The following FANCC variants were observed in gnomAD, a reference collection of about 807,000 sequenced individuals.
The protein encoded by FANCC is FA complementation group C, also known as Fanconi anemia group C protein.
A neutral mutation model predicts 71.3 loss-of-function variants in FANCC; 55 were observed. The ratio of observed to expected loss-of-function variants is 0.77; its 90% CI spans 0.62 to 0.97. The LOEUF (loss-of-function observed/expected upper bound fraction) is 0.97. Ranked by LOEUF, FANCC falls within the 50% of genes least tolerant of loss-of-function variation. FANCC has a pLI of 0.00. For synonymous variants in FANCC, 275 were observed against 244.9 expected (o/e 1.12, Z -1.15); for missense variants, 678 against 670.9 (o/e 1.01, Z -0.12).
In FANCC at chr9:95,188,849, CT is replaced by C. The variant is rs368683060; in HGVS notation, c.346-16703del. On this transcript the variant is annotated intron_variant, in intron 4 of 14. Transcript: ENST00000289081. ...TCCTCAAGCCTAATCTGCCTGAATC[CT>C]TTTCTCATTTCACTCTGCATACTCA... 1.4e-3 allele frequency among the ~76,000 whole-genome samples: 206 copies of C among 152,268 alleles called. 1 individual carries two copies. The highest frequency in any genetic ancestry group is 4.8e-3 in the African/African-American group (200 of 41,558).
chr9:95,247,846 T>C (rs1429874491), intron 2 of FANCC, among the ~76,000 whole-genome samples: 1 of 152,230 alleles, frequency 6.6e-6, no homozygotes, highest in African/African-American at 2.4e-5. Context: ...GCTTAAGAGT[T>C]GAAAACACAT....
intron 1 of FANCC, among the ~76,000 whole-genome samples, chr9:95,269,786 C>T (rs143537594): frequency 1.2e-3 from 189 of 152,144 alleles, no homozygotes; most frequent in African/African-American, 4.3e-3. Context: ...GGGTGGGTTG[C>T]CCCTACACAC....
chr9:95,169,426 A>G (rs1184692513), intron 6 of FANCC, among the ~76,000 whole-genome samples: 1 of 152,178 alleles, frequency 6.6e-6, no homozygotes, highest in Non-Finnish European at 1.5e-5. Flanking sequence ...TATATTCCCT[A>G]TAGATAAGGA....
chr9:95,306,669 C>G (rs1033366966), intron 1 of FANCC, among the ~76,000 whole-genome samples: 7 of 152,094 alleles, frequency 4.6e-5, no homozygotes, highest in African/African-American at 1.4e-4. Context: ...TTTGGGTAAC[C>G]AGAAATACCC....
intron 1 of FANCC, among the ~76,000 whole-genome samples, chr9:95,281,382 C>T (rs1440132080): frequency 6.6e-6 from 1 of 151,772 alleles, no homozygotes; most frequent in East Asian, 1.9e-4. Context: ...TGAAGAAATT[C>T]AAAGTCCTAA....
chr9:95,152,408 G>T (rs901155864), intron 6 of FANCC, among the ~76,000 whole-genome samples: 1 of 152,142 alleles, frequency 6.6e-6, no homozygotes. Context: ...GAACAAGCAC[G>T]TATATATCTG....
chr9:95,102,475 C>A lies in FANCC; in HGVS notation c.1534-625G>T, dbSNP rs558971788. ...AAAAAAGGGAAGGGTGAGAATCTTA[C>A]AATTTAGCTGTGTGGGGAATTTATG... On this transcript the variant is annotated intron_variant, in intron 14 of 14. Transcript: ENST00000289081. Among the ~76,000 whole-genome samples, 6 of 152,314 alleles carry A rather than the reference C, an allele frequency of 3.9e-5. No homozygotes were observed. In the East Asian group the frequency reaches 1.2e-3, roughly 29 times the overall value.
intron 1 of FANCC, among the ~76,000 whole-genome samples, chr9:95,271,625 A>C (rs192562483): frequency 6.6e-6 from 1 of 152,324 alleles, no homozygotes; most frequent in East Asian, 1.9e-4. Context: ...AGTTTGTAGT[A>C]ATTTGCTATA....
At chr9:95,290,558 G>A (rs1165543428) in intron 1 of FANCC, among the ~76,000 whole-genome samples, 1 of 152,074 alleles carries the variant, frequency 6.6e-6, no homozygotes, top group Non-Finnish European at 1.5e-5. Context: ...ATGAAAGGAG[G>A]GTTATTAAGC....
intron 12 of FANCC, among the ~76,000 whole-genome samples, chr9:95,113,474 A>G (rs948069396): frequency 2.0e-5 from 3 of 152,190 alleles, no homozygotes; most frequent in African/African-American, 7.2e-5. Context: ...AATCACACAC[A>G]TAAGAGGGTA....
At chr9:95,143,310 G>A (rs1162095364) in intron 7 of FANCC, among the ~76,000 whole-genome samples, 3 of 152,140 alleles carry the variant, frequency 2.0e-5, no homozygotes, top group Admixed American at 1.3e-4. Context: ...CCACAGTTTA[G>A]GTTTTTTATG....
At chr9:95,122,080 G>T (rs914002618) in intron 10 of FANCC, among the ~76,000 whole-genome samples, 1 of 151,914 alleles carries the variant, frequency 6.6e-6, no homozygotes, top group Non-Finnish European at 1.5e-5. Context: ...GGATGGTCTC[G>T]ATCTCCTGAC....
intron 4 of FANCC, among the ~76,000 whole-genome samples, chr9:95,183,824 G>T (rs952138956): frequency 6.6e-6 from 1 of 152,156 alleles, no homozygotes; most frequent in African/African-American, 2.4e-5. Context: ...AACCTCAGCT[G>T]TATTTAAATA....
chr9:95,310,146 T>C lies in FANCC; in HGVS notation c.-79+7380A>G, dbSNP rs142716755. The stretch of plus-strand genomic sequence containing the variant: ...GGGAGACCCAGGCAGGAGGACAGCT[T>C]GAGGCTGGGAGTTCAAGACCAGCCT... On this transcript the variant is annotated intron_variant, in intron 1 of 14. Coordinates refer to ENST00000289081, the MANE Select transcript of FANCC (RefSeq NM_000136.3). Among the ~76,000 whole-genome samples, 308 of 152,266 alleles carry C rather than the reference T, an allele frequency of 2.0e-3. 2 individuals carry two copies. The highest frequency in any genetic ancestry group is 7.1e-3 in the African/African-American group (296 of 41,558).
chr9:95,267,461 G>A (rs886377288), intron 1 of FANCC, among the ~76,000 whole-genome samples: 1 of 152,178 alleles, frequency 6.6e-6, no homozygotes, highest in South Asian at 2.1e-4. Context: ...AGGGGAGAGT[G>A]TGCAGAGAGG....
At chr9:95,213,542 C>G (rs1588291108) in intron 4 of FANCC, among the ~76,000 whole-genome samples, 1 of 152,146 alleles carries the variant, frequency 6.6e-6, no homozygotes, top group East Asian at 1.9e-4. Flanking sequence ...GTGCCAAGAT[C>G]ATTCAATGGG....
chr9:95,284,903 CAA>C lies in FANCC; in HGVS notation c.-79+32621_-79+32622del, dbSNP rs1554867646. On this transcript the variant is annotated intron_variant, in intron 1 of 14. Transcript: ENST00000289081. Reference sequence around the variant, plus strand: ...ACACACACACACACACACACACACACAAACATACGCATGCGCACACGCACAGA... The same window carrying C: ...ACACACACACACACACACACACACACACATACGCATGCGCACACGCACAGA... 1.1e-4 allele frequency among the ~76,000 whole-genome samples: 17 copies of C among 149,040 alleles called. No homozygotes were observed. The South Asian group carries it at 1.7e-3, about 15-fold the overall frequency.
At chr9:95,124,281 AC>A (rs1253488626) in intron 10 of FANCC, among the ~76,000 whole-genome samples, 7 of 152,242 alleles carry the variant, frequency 4.6e-5, no homozygotes, top group Admixed American at 2.6e-4. Flanking sequence ...GATGCACTGG[AC>A]CAGCACCACT....
intron 1 of FANCC, among the ~76,000 whole-genome samples, chr9:95,288,228 A>G (rs531235659): frequency 3.9e-5 from 6 of 152,320 alleles, no homozygotes; most frequent in African/African-American, 1.4e-4. Flanking sequence ...GTAAAGCAGG[A>G]TTTTATTTAC....
Sources: allele counts gnomAD v4.1 joint callset (sites outside exome capture counted in the v4.1 genomes callset), GRCh38; gene constraint gnomAD v4.1.1; transcripts MANE v1.5; gene names NCBI Gene and HGNC (gene_info 2026-07-23, HGNC 2026-07-21).